The following TENM2 variants were observed in gnomAD, a reference collection of about 807,000 sequenced individuals.
The protein encoded by TENM2 is teneurin transmembrane protein 2, also known as teneurin-2.
A neutral mutation model predicts 245.2 loss-of-function variants in TENM2; 52 were observed. That is an observed-to-expected ratio of 0.21 (90% confidence interval 0.17 to 0.27). The LOEUF (loss-of-function observed/expected upper bound fraction) is 0.27, where lower values mean the gene tolerates loss of function less well. Among genes scored for constraint, TENM2 ranks in the 10% least tolerant of loss-of-function variants. The pLI, the probability that TENM2 is intolerant of heterozygous loss-of-function variation, is 1.00. For synonymous variants in TENM2, 1,363 were observed against 1,438.9 expected, an observed-to-expected ratio of 0.95 and a Z score of 1.19; for missense variants, 3,046 against 3,666.8, an observed-to-expected ratio of 0.83 and a Z score of 4.37.
the TENM2 span, among the ~76,000 whole-genome samples, chr5:167,107,232 C>T: frequency 4.0e-5 from 6 of 150,868 alleles, no homozygotes; most frequent in Admixed American, 6.6e-5. Context: ...ATTGCACTCC[C>T]GTCTAGGCAA....
At chr5:167,574,774 G>A (rs1774527931) in intron 2 of TENM2, among the ~76,000 whole-genome samples, 1 of 152,096 alleles carries the variant, frequency 6.6e-6, no homozygotes, top group South Asian at 2.1e-4. Context: ...TACCAGTCTC[G>A]AGTCGGAACT....
chr5:167,148,813 A>G, the TENM2 span, among the ~76,000 whole-genome samples: 1 of 152,240 alleles, frequency 6.6e-6, no homozygotes, highest in Admixed American at 6.6e-5. Context: ...AATTAATTCA[A>G]TATTCTGGAC....
At chr5:167,112,523 G>A in the TENM2 span, among the ~76,000 whole-genome samples, 22 of 152,110 alleles carry the variant, frequency 1.4e-4, no homozygotes, top group Non-Finnish European at 3.1e-4. Flanking sequence ...GAAATCTGAC[G>A]ATAACCTGTA....
rs548378798 is a variant in TENM2, at chr5:167,907,427, T to C, written c.712+31232T>C. 7.4e-4 allele frequency among the ~76,000 whole-genome samples: 111 copies of C among 149,624 alleles called. 1 individual carries two copies. The highest frequency in any genetic ancestry group is 2.6e-3 in the African/African-American group (105 of 41,068). On this transcript the variant is annotated intron_variant, in intron 3 of 28. Transcript: ENST00000518659. ...AAATGTGGTCACTAATAACACTAAC[T>C]GATTAAAAGGTCCAAATAATAGTAG...
Position 167,491,033 on chromosome 5 carries a change from G to A in TENM2, c.502+115560G>A, listed in dbSNP as rs1768399452. On this transcript the variant is annotated intron_variant, in intron 2 of 28. Coordinates refer to ENST00000518659, the Ensembl canonical transcript of TENM2. ...TGTATTTGTCTAGGAATCAATCACAGTGACACAAGGAATAAGCTATGATGA... is the reference window on the plus strand; with the variant it reads ...TGTATTTGTCTAGGAATCAATCACAATGACACAAGGAATAAGCTATGATGA... Among the ~76,000 whole-genome samples the A allele has an allele frequency of 2.0e-5, 3 of 152,148 alleles. No homozygotes were observed. In the South Asian group the frequency reaches 6.2e-4, roughly 32 times the overall value.
chr5:167,147,348 T>A, the TENM2 span, among the ~76,000 whole-genome samples: 1 of 152,196 alleles, frequency 6.6e-6, no homozygotes, highest in Non-Finnish European at 1.5e-5. Context: ...CAAACTGCTT[T>A]GTGCCTTTAC....
chr5:167,048,666 A>G, the TENM2 span, among the ~76,000 whole-genome samples: 1 of 152,216 alleles, frequency 6.6e-6, no homozygotes, highest in East Asian at 1.9e-4. Flanking sequence ...AAAATGTGCC[A>G]CATCTCATTA....
intron 8 of TENM2, among the ~76,000 whole-genome samples, chr5:168,093,762 C>T (rs78698785): frequency 0.019 from 2,872 of 152,022 alleles, 83 homozygotes; most frequent in African/African-American, 0.065. Context: ...AAAATGTAAA[C>T]AAAAAGGAAA....
intron 4 of TENM2, among the ~76,000 whole-genome samples, chr5:167,960,029 C>T (rs1052321889): frequency 2.0e-5 from 3 of 152,226 alleles, no homozygotes; most frequent in Non-Finnish European, 4.4e-5. Flanking sequence ...GCGGAGGCTG[C>T]AGACAGCAAA....
intron 2 of TENM2, among the ~76,000 whole-genome samples, chr5:167,680,311 TAA>T (rs11479530): frequency 0.12 from 17,113 of 147,740 alleles, 1,350 homozygotes; most frequent in East Asian, 0.37. Flanking sequence ...TAGAATAAGT[TAA>T]AAAAAAAAAA....
At chr5:167,312,405 T>C (rs1266050639) in intron 1 of TENM2, among the ~76,000 whole-genome samples, 1 of 152,166 alleles carries the variant, frequency 6.6e-6, no homozygotes, top group Non-Finnish European at 1.5e-5. Context: ...CTGTCAAATA[T>C]TGCTTAGAGT....
At chr5:167,436,762 G>A (rs1411633302) in intron 2 of TENM2, among the ~76,000 whole-genome samples, 1 of 152,118 alleles carries the variant, frequency 6.6e-6, no homozygotes, top group African/African-American at 2.4e-5. Context: ...ATGACTAAAA[G>A]GGGCCAAGGT....
At chr5:167,461,543 T>C (rs1160120669) in intron 2 of TENM2, among the ~76,000 whole-genome samples, 1 of 152,190 alleles carries the variant, frequency 6.6e-6, no homozygotes, top group Admixed American at 6.5e-5. Flanking sequence ...CAGTCTTTCA[T>C]AGATATTTAA....
intron 2 of TENM2, chr5:167,653,496 C>T (rs935431202): frequency 2.0e-5 from 3 of 152,108 alleles, no homozygotes; most frequent in African/African-American, 7.2e-5. Context: ...ATTCTAAATA[C>T]TATCTCATAT....
In TENM2 at chr5:167,779,519, A is replaced by G. The variant is rs190016921; in HGVS notation, c.503-96467A>G. Among the ~76,000 whole-genome samples the G allele has an allele frequency of 1.7e-3, 257 of 152,288 alleles. 1 individual carries two copies. Among genetic ancestry groups the G allele is most frequent in the African/African-American group, 5.8e-3 (242 of 41,546 alleles). On this transcript the variant is annotated intron_variant, in intron 2 of 28. Transcript: ENST00000518659. The stretch of plus-strand genomic sequence containing the variant: ...CTTCTATGGTGTCTAAAATTTCACA[A>G]AATTACGTGGGGTGAGAAATGAGAA...
At chr5:167,339,591 C>G (rs1323840657) in intron 1 of TENM2, among the ~76,000 whole-genome samples, 1 of 151,482 alleles carries the variant, frequency 6.6e-6, no homozygotes, top group Non-Finnish European at 1.5e-5. Context: ...TTAAAACTTC[C>G]TTTTTCAATT....
At chr5:168,158,850 TACACACACACACACAC>T (rs764713880) in intron 12 of TENM2, among the ~76,000 whole-genome samples, 21 of 62,302 alleles carry the variant, frequency 3.4e-4, no homozygotes, top group South Asian at 4.5e-4. Flanking sequence ...TATATATATA[TACACACACACACACAC>T]ACATATATAT....
At chr5:167,248,436 C>G in the TENM2 span, among the ~76,000 whole-genome samples, 1 of 151,950 alleles carries the variant, frequency 6.6e-6, no homozygotes, top group Non-Finnish European at 1.5e-5. Flanking sequence ...GGCCCCGCCC[C>G]CAGATTCTCT....
intron 9 of TENM2, among the ~76,000 whole-genome samples, chr5:168,103,223 T>A (rs1459886277): frequency 6.6e-6 from 1 of 152,186 alleles, no homozygotes; most frequent in Non-Finnish European, 1.5e-5. Context: ...ACATTTTGTA[T>A]TGAAATCATT....
Sources: gnomAD v4.1 joint callset for allele counts (sites outside exome capture counted in the v4.1 genomes callset) on GRCh38, gnomAD v4.1.1 for gene constraint, MANE v1.5 for transcripts, NCBI Gene and HGNC (gene_info 2026-07-23, HGNC 2026-07-21) for gene names.